FSTL5: variants seen among roughly 807,000 people sequenced by gnomAD.
FSTL5 encodes the protein follistatin-related protein 5.
FSTL5 carries 62 observed loss-of-function variants against 89.1 expected under a neutral mutation model. The ratio of observed to expected loss-of-function variants is 0.70; its 90% confidence interval spans 0.57 to 0.86. The LOEUF is 0.86. Ranked by LOEUF, FSTL5 falls within the 40% of genes least tolerant of loss-of-function variation. The pLI is 0.00. For synonymous variants in FSTL5, 383 were observed against 346.2 expected (o/e 1.11, Z -1.18); for missense variants, 1,057 against 1,001.6 (o/e 1.06, Z -0.75).
chr4:161,421,494 C>T (rs1332509738), intron 15 of FSTL5, among the ~76,000 whole-genome samples: 1 of 152,122 alleles, frequency 6.6e-6, no homozygotes, highest in African/African-American at 2.4e-5. Flanking sequence ...TTATTGCCTT[C>T]ATTTGGAGAT....
At chr4:161,788,449 A>C (rs957712983) in intron 4 of FSTL5, among the ~76,000 whole-genome samples, 3 of 152,054 alleles carry the variant, frequency 2.0e-5, no homozygotes, top group Non-Finnish European at 4.4e-5. Flanking sequence ...TTGTTCCACT[A>C]TTCTATTCTC....
intron 4 of FSTL5, among the ~76,000 whole-genome samples, chr4:161,848,359 A>G (rs2126878252): frequency 6.6e-6 from 1 of 152,258 alleles, no homozygotes; most frequent in East Asian, 1.9e-4. Context: ...TTTTGAAATT[A>G]TATTCTCACT....
intron 9 of FSTL5, 100 bp from the exon 10 acceptor site, chr4:161,538,400 T>C: frequency 1.5e-6 from 2 of 1,298,002 alleles, no homozygotes; most frequent in Non-Finnish European, 2.2e-6. Flanking sequence ...CTTGTCCTAA[T>C]TAAACTGTTT....
At chr4:161,493,329 A>C (rs1432002588) in intron 12 of FSTL5, among the ~76,000 whole-genome samples, 1 of 151,866 alleles carries the variant, frequency 6.6e-6, no homozygotes, top group Non-Finnish European at 1.5e-5. Flanking sequence ...TTGATAATAC[A>C]AGAAATATCA....
chr4:161,750,144 T>G (rs147974176), intron 6 of FSTL5, among the ~76,000 whole-genome samples: 1 of 152,280 alleles, frequency 6.6e-6, no homozygotes, highest in Non-Finnish European at 1.5e-5. Context: ...GAAAAGTAAA[T>G]ATTAATACAA....
At chr4:161,407,266 A>G (rs1731418420) in intron 15 of FSTL5, among the ~76,000 whole-genome samples, 1 of 152,204 alleles carries the variant, frequency 6.6e-6, no homozygotes, top group Non-Finnish European at 1.5e-5. Flanking sequence ...TAGCAGATAC[A>G]CTATATTATT....
chr4:161,820,599 G>C (rs929369837), intron 4 of FSTL5, among the ~76,000 whole-genome samples: 1 of 152,130 alleles, frequency 6.6e-6, no homozygotes, highest in African/African-American at 2.4e-5. Context: ...TGGAAAATTA[G>C]CAGTAGTGAT....
chr4:162,112,777 A>T (rs370813087), intron 1 of FSTL5, among the ~76,000 whole-genome samples: 707 of 54,518 alleles, frequency 0.013, 1 homozygote, highest in African/African-American at 0.051. Flanking sequence ...CGACACAATC[A>T]CACACACACA....
intron 3 of FSTL5, among the ~76,000 whole-genome samples, chr4:161,950,967 T>C (rs914744571): frequency 1.3e-5 from 2 of 152,092 alleles, no homozygotes; most frequent in African/African-American, 4.8e-5. Context: ...CCAAATCTCA[T>C]CTTGAATTGT....
At chr4:161,806,489 G>A (rs1397215760) in intron 4 of FSTL5, among the ~76,000 whole-genome samples, 1 of 152,032 alleles carries the variant, frequency 6.6e-6, no homozygotes, top group Non-Finnish European at 1.5e-5. Flanking sequence ...ATCCAACAAT[G>A]AAGGGCAAAT....
intron 4 of FSTL5, among the ~76,000 whole-genome samples, chr4:161,886,082 A>G (rs924167699): frequency 2.6e-5 from 4 of 152,190 alleles, no homozygotes; most frequent in Admixed American, 2.6e-4. Context: ...TGAGCCAGAC[A>G]CTACTGAAGC....
intron 8 of FSTL5, among the ~76,000 whole-genome samples, chr4:161,544,905 A>G (rs1731955419): frequency 6.6e-6 from 1 of 152,006 alleles, no homozygotes; most frequent in African/African-American, 2.4e-5. Flanking sequence ...AAAGTCACTC[A>G]CTGAATTAAC....
chr4:161,562,371 A>G (rs1732636588), intron 8 of FSTL5, among the ~76,000 whole-genome samples: 1 of 151,912 alleles, frequency 6.6e-6, no homozygotes, highest in Non-Finnish European at 1.5e-5. Flanking sequence ...GACAGCTGTG[A>G]TTTTCATAGA....
At chr4:161,794,120 G>T (rs1462788737) in intron 4 of FSTL5, among the ~76,000 whole-genome samples, 2 of 152,152 alleles carry the variant, frequency 1.3e-5, no homozygotes, top group Admixed American at 1.3e-4. Context: ...TTCTTAGCCT[G>T]TGTTTCACAT....
At chr4:161,620,991 A>T (rs573528124) in intron 7 of FSTL5, among the ~76,000 whole-genome samples, 69 of 152,244 alleles carry the variant, frequency 4.5e-4, no homozygotes, top group African/African-American at 1.6e-3. Context: ...ATAGAGGAAA[A>T]GAAAAAAGAA....
At chr4:161,501,136 A>C (rs1433608733) in intron 11 of FSTL5, among the ~76,000 whole-genome samples, 1 of 152,200 alleles carries the variant, frequency 6.6e-6, no homozygotes, top group East Asian at 1.9e-4. Flanking sequence ...TAAAATCTTG[A>C]CTGGAAAATC....
At chr4:161,844,500 A>G (rs539716167) in intron 4 of FSTL5, among the ~76,000 whole-genome samples, 3 of 152,302 alleles carry the variant, frequency 2.0e-5, no homozygotes, top group South Asian at 4.1e-4. Flanking sequence ...TTATTGCAGC[A>G]CTGTTCACAA....
chr4:161,699,452 G>A (rs1164233279), intron 6 of FSTL5, among the ~76,000 whole-genome samples: 1 of 152,124 alleles, frequency 6.6e-6, no homozygotes, highest in Non-Finnish European at 1.5e-5. Context: ...TCAGATTCCA[G>A]CGACTTCCAT....
intron 15 of FSTL5, among the ~76,000 whole-genome samples, chr4:161,416,844 CAAAA>C (rs532290897): frequency 4.2e-5 from 3 of 71,074 alleles, no homozygotes; most frequent in Non-Finnish European, 2.9e-5. Context: ...GACTCCATCT[CAAAA>C]AAAAAAAAAA....
Sources: gnomAD v4.1 joint callset for allele counts (sites outside exome capture counted in the v4.1 genomes callset) on GRCh38, gnomAD v4.1.1 for gene constraint, MANE v1.5 for transcripts, NCBI Gene and HGNC (gene_info 2026-07-23, HGNC 2026-07-21) for gene names.